ITGB4: variants seen among roughly 807,000 people sequenced by gnomAD.
ITGB4 encodes integrin subunit beta 4.
A neutral mutation model predicts 207.6 loss-of-function variants in ITGB4; 159 were observed. The ratio of observed to expected loss-of-function variants is 0.77; its 90% CI spans 0.67 to 0.87. ITGB4 has a LOEUF of 0.87. Among genes scored for constraint, ITGB4 ranks in the 40% least tolerant of loss-of-function variants. The pLI is 0.00. For synonymous variants in ITGB4, 1,020 were observed against 1,062.7 expected (o/e 0.96, Z 0.78); for missense variants, 2,278 against 2,546.8 (o/e 0.89, Z 2.27).
chr17:75,735,923 T>A, intron 13 of ITGB4, 128 bp from the exon 14 acceptor site: 1 of 843,320 alleles, frequency 1.2e-6, no homozygotes, highest in Non-Finnish European at 2.0e-6. Context: ...AAGAGATGAC[T>A]TCTACCCCAG....
In ITGB4 at chr17:75,754,935, C is replaced by T. The variant is rs1280247346; in HGVS notation, c.4558+120C>T. The stretch of plus-strand genomic sequence containing the variant: ...ATTCTCCAACATACACACACGCATG[C>T]ACACATGCACGCACACACGTGCACA... On this transcript the variant is annotated intron_variant, in intron 34 of 39. Transcript: ENST00000200181. 7.2e-6 allele frequency: 11 copies of T among 1,524,034 alleles called. No homozygotes were observed. In the East Asian group the frequency reaches 2.0e-4, roughly 28 times the overall value. The allele number at this position is 1,524,034 out of a possible 1,614,324, so 94.4% of individuals were successfully genotyped here.
chr17:75,734,020 G>A (rs983829607), intron 13 of ITGB4, among the ~76,000 whole-genome samples: 1 of 151,910 alleles, frequency 6.6e-6, no homozygotes, highest in Non-Finnish European at 1.5e-5. Context: ...ATTAGAGTGG[G>A]TGCCACCCAG....
chr17:75,755,584 A>G, intron 34 of ITGB4, 117 bp from the exon 35 acceptor site: 2 of 1,336,608 alleles, frequency 1.5e-6, no homozygotes, highest in Non-Finnish European at 2.1e-6. Context: ...TGAGTTGTCC[A>G]GCCAGCGGTC....
At chr17:75,733,342 C>G (rs985250645) in intron 12 of ITGB4, 148 bp from the exon 13 acceptor site, 1 of 535,178 alleles carries the variant, frequency 1.9e-6, no homozygotes, top group African/African-American at 1.9e-5. Context: ...GCCAAGATCG[C>G]GCCACTGCAC....
At position 75,750,232 on chromosome 17, in the gene ITGB4, C is replaced by G; in HGVS notation, c.3438C>G (p.Asn1146Lys). The G allele has an allele frequency of 6.2e-7, 1 of 1,613,646 alleles. No homozygotes were observed. Among genetic ancestry groups the G allele is most frequent in the Non-Finnish European group, 8.5e-7 (1 of 1,179,922 alleles). Residue 1146 changes from asparagine to lysine, a missense_variant, in exon 28 of 40, where the codon AAC becomes AAG. Asn to Lys is a moderately conservative substitution (Grantham distance 94, BLOSUM62 0). Transcript: ENST00000200181. The surrounding 1 kb of genome is among the most constrained non-coding windows in gnomAD (Gnocchi z 5.5). ...CTGGGTCCAGGAAGATCCATTTCAACTGGCTGCCCCCTTCTGGCAAGCCAA... is the reference window on the plus strand; with the variant it reads ...CTGGGTCCAGGAAGATCCATTTCAAGTGGCTGCCCCCTTCTGGCAAGCCAA... ...KAAGSRKIHF[N>K]WLPPSGKPMG... is the part of the protein sequence containing the mutation.
At position 75,728,368 on chromosome 17, in the gene ITGB4, G is replaced by C; in HGVS notation, c.470-9G>C. ...TCAGCTATCCCCTCTCTGTCCTTTT[G>C]ACATCCAGCTCGGGTCCTGAGCCAG... On this transcript the variant is annotated splice_polypyrimidine_tract_variant and intron_variant, in intron 5 of 39. Transcript: ENST00000200181. The C allele has an allele frequency of 6.2e-7, 1 of 1,613,700 alleles. No individual in the cohort carries two copies. Among genetic ancestry groups the C allele is most frequent in the Non-Finnish European group, 8.5e-7 (1 of 1,179,632 alleles).
At chr17:75,736,008 C>A (rs1356353890) in intron 13 of ITGB4, 43 bp from the exon 14 acceptor site, 1 of 1,583,914 alleles carries the variant, frequency 6.3e-7, no homozygotes, top group South Asian at 1.1e-5. Flanking sequence ...GGACTACAGG[C>A]ACAGATGTAG....
intron 26 of ITGB4, among the ~76,000 whole-genome samples, chr17:75,745,540 C>CT (rs1369402610): frequency 7.9e-5 from 12 of 152,146 alleles, no homozygotes; most frequent in Admixed American, 1.3e-4. Context: ...TGCAGGCCAG[C>CT]TTGGGCAACA....
Position 75,727,306 on chromosome 17 carries a change from A to G in ITGB4, c.162+29A>G. ...AGGACCTGGCCCGGGTTGGTGTGGA[A>G]CAGGCAAGGGTCGGGAATAGCTGGT... On this transcript the variant is annotated intron_variant, in intron 3 of 39. Coordinates refer to ENST00000200181, the MANE Select transcript of ITGB4 (RefSeq NM_000213.5). The surrounding 1 kb of genome is among the most constrained non-coding windows in gnomAD (Gnocchi z 6.0). 3 of 1,613,272 alleles carry G rather than the reference A, an allele frequency of 1.9e-6. No homozygotes were observed. The highest frequency in any genetic ancestry group is 1.1e-5 in the South Asian group (1 of 90,946).
intron 1 of ITGB4, among the ~76,000 whole-genome samples, chr17:75,723,879 C>T (rs1445558555): frequency 6.6e-6 from 1 of 152,256 alleles, no homozygotes; most frequent in African/African-American, 2.4e-5. Context: ...GTCCAGGCTT[C>T]AGGCTGAGCA....
chr17:75,744,841 C>T (rs183587406), intron 26 of ITGB4, among the ~76,000 whole-genome samples: 85 of 152,104 alleles, frequency 5.6e-4, no homozygotes, highest in Non-Finnish European at 1.0e-3. Flanking sequence ...GTTGCCCAAG[C>T]TGGTCTTGAA....
At chr17:75,730,600 C>T (rs1365150767) in intron 8 of ITGB4, 96 bp downstream of exon 8, 15 of 940,482 alleles carry the variant, frequency 1.6e-5, no homozygotes, top group South Asian at 2.0e-5. Flanking sequence ...CTCCCTCCCT[C>T]CCTTCCTCCC....
chr17:75,757,809 G>A lies in ITGB4; in HGVS notation c.*254G>A. The stretch of plus-strand genomic sequence containing the variant: ...TGTTCTGCACTTAATAAATGGTTTT[G>A]CTACTGCTAGGCCCTGCCTTGCCCA... On this transcript the variant is annotated 3_prime_UTR_variant, in exon 40 of 40. Transcript: ENST00000200181. 1 of 660,068 alleles carries A rather than the reference G, an allele frequency of 1.5e-6. No individual in the cohort carries two copies. Among genetic ancestry groups the A allele is most frequent in the Non-Finnish European group, 2.6e-6 (1 of 382,662 alleles). The allele number at this position is 660,068 out of a possible 1,614,324, so 40.9% of individuals were successfully genotyped here.
chr17:75,737,350 C>T lies in ITGB4; in HGVS notation c.2019C>T (p.Phe673=). Residue 673 remains phenylalanine (F), a synonymous_variant, in exon 17 of 40, where the codon TTC becomes TTT. Coordinates refer to ENST00000200181, the MANE Select transcript of ITGB4 (RefSeq NM_000213.5). ...RAEEVVVRCS[F]RDEDDDCTYS... The stretch of plus-strand genomic sequence containing the variant: ...AGGAGGTGGTGGTGCGCTGCTCCTT[C>T]CGGGACGAGGATGACGACTGCACCT... 6.3e-7 allele frequency: 1 copy of T among 1,591,822 alleles called. No homozygotes were observed. The highest frequency in any genetic ancestry group is 8.5e-7 in the Non-Finnish European group (1 of 1,169,630).
At chr17:75,752,021 C>T (rs1484820413) in intron 30 of ITGB4, among the ~76,000 whole-genome samples, 153 bp from the exon 31 acceptor site, 8 of 152,188 alleles carry the variant, frequency 5.3e-5, no homozygotes, top group Admixed American at 4.6e-4. Flanking sequence ...CTCAGGGCTC[C>T]GCAGGCGGCA....
At chr17:75,737,236 A>G (rs1343307828) in intron 16 of ITGB4, 86 bp from the exon 17 acceptor site, 7 of 1,520,818 alleles carry the variant, frequency 4.6e-6, no homozygotes, top group Non-Finnish European at 6.2e-6. Context: ...GGCAGATCGC[A>G]GAGTAGGGGC....
intron 12 of ITGB4, among the ~76,000 whole-genome samples, chr17:75,733,249 A>G (rs2060901233): frequency 6.6e-6 from 1 of 150,792 alleles, no homozygotes; most frequent in Admixed American, 6.6e-5. Flanking sequence ...AGCCGGGCGT[A>G]GTGGCGGGTG....
intron 1 of ITGB4, among the ~76,000 whole-genome samples, 195 bp downstream of exon 1, chr17:75,721,807 G>A (rs1268006430): frequency 6.6e-6 from 1 of 152,210 alleles, no homozygotes; most frequent in Non-Finnish European, 1.5e-5. Flanking sequence ...GCTAGAGAAG[G>A]GTGGTGCCCA....
chr17:75,750,497 C>G lies in ITGB4; in HGVS notation c.3475-183C>G, dbSNP rs115406496. ...CTAGAATGGGGCCCCCTCCCACCCC[C>G]GCATGGGAGATACCCCCACCTGCTC... On this transcript the variant is annotated intron_variant, in intron 28 of 39. Transcript: ENST00000200181. This position sits in a 1 kb window ranked among gnomAD's most constrained non-coding sequence, Gnocchi z 5.5. Among the ~76,000 whole-genome samples, 1,836 of 152,254 alleles carry G rather than the reference C, an allele frequency of 0.012. 46 individuals carry two copies. Among genetic ancestry groups the G allele is most frequent in the African/African-American group, 0.042 (1,751 of 41,540 alleles).
Sources: gnomAD v4.1 joint callset for allele counts (sites outside exome capture counted in the v4.1 genomes callset) on GRCh38, gnomAD v4.1.1 for gene constraint, Gnocchi (gnomAD v3.1) non-coding constraint, MANE v1.5 for transcripts, NCBI Gene and HGNC (gene_info 2026-07-23, HGNC 2026-07-21) for gene names.